SHQ1: variants seen among roughly 807,000 people sequenced by gnomAD.
The protein encoded by SHQ1 is protein SHQ1 homolog.
A neutral mutation model predicts 53.8 loss-of-function variants in SHQ1; 49 were observed. The observed-to-expected ratio is 0.91, with a 90% CI of 0.72 to 1.16. The LOEUF (loss-of-function observed/expected upper bound fraction) is 1.16, where lower values mean the gene tolerates loss of function less well. SHQ1 is among the 50% of genes most tolerant of loss of function. The pLI is 0.00. For synonymous variants in SHQ1, 243 were observed against 251.0 expected (o/e 0.97, Z 0.30); for missense variants, 738 against 683.1 (o/e 1.08, Z -0.90).
At chr3:72,817,620 T>C (rs1201089968) in intron 6 of SHQ1, among the ~76,000 whole-genome samples, 1 of 152,204 alleles carries the variant, frequency 6.6e-6, no homozygotes, top group Non-Finnish European at 1.5e-5. Flanking sequence ...ACCTATTCCT[T>C]AATTCCTGAC....
chr3:72,843,390 G>A (rs1284260447), intron 2 of SHQ1, among the ~76,000 whole-genome samples: 1 of 152,186 alleles, frequency 6.6e-6, no homozygotes. Context: ...GTCTATGGCA[G>A]ACTCAAATCC....
intron 5 of SHQ1, among the ~76,000 whole-genome samples, chr3:72,829,532 C>T (rs1369367088): frequency 2.0e-5 from 3 of 152,286 alleles, no homozygotes; most frequent in African/African-American, 7.2e-5. Context: ...AGAAGGGATA[C>T]ATAAAATTGT....
chr3:72,842,462 C>A, intron 2 of SHQ1, 60 bp from the exon 3 acceptor site: 1 of 1,495,752 alleles, frequency 6.7e-7, no homozygotes, highest in Non-Finnish European at 9.2e-7. Context: ...GGCACAATAG[C>A]TTACACCAGT....
At chr3:72,845,853 T>C (rs1708312961) in intron 1 of SHQ1, among the ~76,000 whole-genome samples, 1 of 152,120 alleles carries the variant, frequency 6.6e-6, no homozygotes, top group African/African-American at 2.4e-5. Context: ...AGAATGAAAA[T>C]CCCTCTAAGC....
At chr3:72,725,302 C>T in the SHQ1 span, among the ~76,000 whole-genome samples, 10 of 152,130 alleles carry the variant, frequency 6.6e-5, no homozygotes, top group African/African-American at 2.4e-4. Flanking sequence ...TTCAGCCTCT[C>T]CAAACTGGCC....
Position 72,815,347 on chromosome 3 carries a change from T to C in SHQ1, c.936+3A>G. The C allele has an allele frequency of 1.2e-6, 2 of 1,612,052 alleles. No homozygotes were observed. The highest frequency in any genetic ancestry group is 1.7e-6 in the Non-Finnish European group (2 of 1,178,594). ...TCTAAACAATTGCAACTGGAAATCATACCTCAAACCAGCATAGTGTTGGAC... is the reference window on the plus strand; with the variant it reads ...TCTAAACAATTGCAACTGGAAATCACACCTCAAACCAGCATAGTGTTGGAC... On this transcript the variant is annotated splice_donor_region_variant and intron_variant, in intron 8 of 10. Coordinates refer to ENST00000325599, the MANE Select transcript of SHQ1 (RefSeq NM_018130.3).
At chr3:72,813,989 A>T (rs995929664) in intron 8 of SHQ1, among the ~76,000 whole-genome samples, 15 of 151,998 alleles carry the variant, frequency 9.9e-5, no homozygotes, top group African/African-American at 3.6e-4. Context: ...AAAAACACTA[A>T]ACAAAAGAAA....
chr3:72,759,442 G>C (rs1374296965), intron 10 of SHQ1, among the ~76,000 whole-genome samples: 1 of 152,176 alleles, frequency 6.6e-6, no homozygotes, highest in Non-Finnish European at 1.5e-5. Flanking sequence ...TGTAATCCCA[G>C]CACTTTGGGA....
rs145558414 is a variant in SHQ1, at chr3:72,833,632, C to T, written c.487-1151G>A. ...ACTTTCCATTGAAAAATGTAAAAGTCGAATCCTAAGAATCAGTTTTCCTGT... is the reference window on the plus strand; with the variant it reads ...ACTTTCCATTGAAAAATGTAAAAGTTGAATCCTAAGAATCAGTTTTCCTGT... On this transcript the variant is annotated intron_variant, in intron 4 of 10. Coordinates refer to ENST00000325599, the MANE Select transcript of SHQ1 (RefSeq NM_018130.3). Among the ~76,000 whole-genome samples, 656 of 152,168 alleles carry T rather than the reference C, an allele frequency of 4.3e-3. 5 individuals are homozygous for T. Among genetic ancestry groups the T allele is most frequent in the African/African-American group, 0.015 (621 of 41,526 alleles).
intron 10 of SHQ1, among the ~76,000 whole-genome samples, chr3:72,783,605 T>G (rs1363738772): frequency 6.6e-6 from 1 of 152,192 alleles, no homozygotes; most frequent in African/African-American, 2.4e-5. Context: ...TGAGCCAGCA[T>G]GCCCAGCCCT....
intron 10 of SHQ1, among the ~76,000 whole-genome samples, chr3:72,779,947 G>C (rs542043557): frequency 6.6e-6 from 1 of 152,134 alleles, no homozygotes; most frequent in Non-Finnish European, 1.5e-5. Flanking sequence ...TGATAAAAAG[G>C]TACAAGGCCA....
In SHQ1 at chr3:72,817,290, A is replaced by G; in HGVS notation, c.822T>C (p.Ser274=). The G allele has an allele frequency of 3.1e-6, 5 of 1,613,804 alleles. No homozygotes were observed. The highest frequency in any genetic ancestry group is 4.2e-6 in the Non-Finnish European group (5 of 1,179,708). The change falls in exon 7 of 11, where the codon AGT becomes AGC. Residue 274 remains serine, a synonymous_variant. Coordinates refer to ENST00000325599, the MANE Select transcript of SHQ1 (RefSeq NM_018130.3). ...AATATGCCAGAAGGATATCAATCAA[A>G]CTGTAGCACACTTGACGACAGGCTC... The part of the protein sequence containing the change: ...DKRACRQVCY[S]LIDILLAYCY...
At chr3:72,825,070 T>C (rs946173222) in intron 5 of SHQ1, among the ~76,000 whole-genome samples, 76 of 152,044 alleles carry the variant, frequency 5.0e-4, no homozygotes, top group African/African-American at 1.8e-3. Context: ...CAAAGTGTGA[T>C]GGGATTACAG....
At chr3:72,765,557 A>ATATATATATTTTTTTTTTT (rs1491527508) in intron 10 of SHQ1, among the ~76,000 whole-genome samples, 2 of 57,188 alleles carry the variant, frequency 3.5e-5, no homozygotes, top group African/African-American at 1.6e-4. Context: ...ATATATATAT[A>ATATATATATTTTTTTTTTT]TTTTTTTTTT....
At chr3:72,748,956 A>C (rs1319189552), downstream of SHQ1, among the ~76,000 whole-genome samples, 16 of 140,510 alleles carry the variant, frequency 1.1e-4, no homozygotes, top group African/African-American at 4.4e-4. Context: ...CCCTGTCTCA[A>C]ACACACACGC....
chr3:72,826,303 G>A (rs1224150239), intron 5 of SHQ1, among the ~76,000 whole-genome samples: 1 of 152,162 alleles, frequency 6.6e-6, no homozygotes, highest in Non-Finnish European at 1.5e-5. Context: ...TTTCTTATTA[G>A]CTATCTCTTT....
chr3:72,794,408 T>G (rs1342349786), intron 9 of SHQ1: 1 of 152,224 alleles, frequency 6.6e-6, no homozygotes, highest in African/African-American at 2.4e-5. Context: ...TCCATTTAAG[T>G]GTTCTAAGAA....
the SHQ1 span, among the ~76,000 whole-genome samples, chr3:72,739,650 A>C: frequency 6.6e-6 from 1 of 151,916 alleles, no homozygotes; most frequent in East Asian, 1.9e-4. Context: ...TCCTCTGAAA[A>C]TCAGAGGCAC....
chr3:72,793,125 C>A, intron 9 of SHQ1, 89 bp from the exon 10 acceptor site: 1 of 1,166,022 alleles, frequency 8.6e-7, no homozygotes, highest in Non-Finnish European at 1.2e-6. Context: ...GCTCAGAATC[C>A]TGATCATTTC....
Sources: gnomAD v4.1 joint callset for allele counts (sites outside exome capture counted in the v4.1 genomes callset) on GRCh38, gnomAD v4.1.1 for gene constraint, MANE v1.5 for transcripts, NCBI Gene and HGNC (gene_info 2026-07-23, HGNC 2026-07-21) for gene names.